The following MYO5A variants were observed in gnomAD, a reference collection of about 807,000 sequenced individuals.
MYO5A encodes unconventional myosin-Va.
Under a neutral mutation model 249.7 loss-of-function variants are expected in MYO5A, and 98 were observed. That is an observed-to-expected ratio of 0.39 (90% CI 0.33 to 0.46). The LOEUF (loss-of-function observed/expected upper bound fraction) is 0.46. Ranked by LOEUF, MYO5A falls within the 20% of genes least tolerant of loss-of-function variation. The probability of loss-of-function intolerance (pLI) is 0.98; values close to 1 mark genes in which losing one functional copy is unlikely to be tolerated. For synonymous variants in MYO5A, 778 were observed against 810.6 expected, an observed-to-expected ratio of 0.96 and a Z score of 0.68; for missense variants, 1,696 against 2,308.8, an observed-to-expected ratio of 0.73 and a Z score of 5.44.
intron 5 of MYO5A, among the ~76,000 whole-genome samples, chr15:52,411,604 G>A (rs1035161077): frequency 1.3e-4 from 19 of 151,304 alleles, no homozygotes; most frequent in African/African-American, 3.6e-4. Flanking sequence ...TGTTTAATAA[G>A]CAAATTTCAA....
intron 1 of MYO5A, among the ~76,000 whole-genome samples, chr15:52,528,470 C>T (rs2077765052): frequency 6.6e-6 from 1 of 152,230 alleles, no homozygotes; most frequent in East Asian, 1.9e-4. Flanking sequence ...GGAGGCACGC[C>T]CGCCCTGCTA....
intron 23 of MYO5A, among the ~76,000 whole-genome samples, chr15:52,365,808 T>G (rs1249843278): frequency 6.6e-6 from 1 of 152,248 alleles, no homozygotes; most frequent in Non-Finnish European, 1.5e-5. Flanking sequence ...AATTTTCCCT[T>G]GGCAAACTCA....
At chr15:52,515,722 T>G (rs1432732742) in intron 1 of MYO5A, among the ~76,000 whole-genome samples, 2 of 152,126 alleles carry the variant, frequency 1.3e-5, no homozygotes, top group East Asian at 1.9e-4. Context: ...ATAAGGCAGT[T>G]GTCTGTAGGG....
intron 24 of MYO5A, among the ~76,000 whole-genome samples, chr15:52,362,220 C>T (rs188775502): frequency 1.1e-4 from 16 of 152,270 alleles, no homozygotes; most frequent in Admixed American, 2.6e-4. Flanking sequence ...TTATGGGAAG[C>T]GCTGGAGGCA....
intron 1 of MYO5A, among the ~76,000 whole-genome samples, chr15:52,440,160 G>A (rs1045031283): frequency 2.6e-4 from 39 of 152,242 alleles, no homozygotes; most frequent in African/African-American, 9.4e-4. Context: ...ACATGCCAGA[G>A]AGAGGCACCA....
intron 5 of MYO5A, among the ~76,000 whole-genome samples, chr15:52,414,840 T>G (rs2043406710): frequency 6.6e-6 from 1 of 152,214 alleles, no homozygotes; most frequent in African/African-American, 2.4e-5. Flanking sequence ...GTAGCTTACA[T>G]TCTTTCAAAA....
Position 52,313,799 on chromosome 15 carries a change from T to A in MYO5A, c.5540A>T (p.Lys1847Ile). 6.2e-7 allele frequency: 1 copy of A among 1,614,036 alleles called. No individual in the cohort carries two copies. Among genetic ancestry groups the A allele is most frequent in the Non-Finnish European group, 8.5e-7 (1 of 1,179,984 alleles). ...KDSPQLLMDAKHIFPVTFPFN... is the reference protein window; with the variant it reads ...KDSPQLLMDAIHIFPVTFPFN... ...AGGAAAGGTGACAGGAAAGATGTGTTTAGCATCCATGAGCAGCTGGGGAGA... is the reference window on the plus strand; with the variant it reads ...AGGAAAGGTGACAGGAAAGATGTGTATAGCATCCATGAGCAGCTGGGGAGA... The change falls in exon 42 of 42, where the codon AAA becomes ATA. Residue 1847 changes from lysine (K) to isoleucine (I), a missense_variant. Lys to Ile is a moderately radical substitution (Grantham distance 102). Transcript: ENST00000399233.
In MYO5A at chr15:52,317,038, G is replaced by C. The variant is rs2140915483; in HGVS notation, c.5409+10C>G. On this transcript the variant is annotated intron_variant, in intron 40 of 41. Transcript: ENST00000399233. Reference sequence around the variant, plus strand: ...GTTAAATTATTTTGTAACAGGGAAAGTTGCTCTACCTGGGCAGTAGTTAAA... The same window carrying C: ...GTTAAATTATTTTGTAACAGGGAAACTTGCTCTACCTGGGCAGTAGTTAAA... The C allele has an allele frequency of 6.2e-7, 1 of 1,610,920 alleles. No homozygotes were observed. Among genetic ancestry groups the C allele is most frequent in the Non-Finnish European group, 8.5e-7 (1 of 1,177,100 alleles).
intron 1 of MYO5A, among the ~76,000 whole-genome samples, chr15:52,475,030 G>T (rs1001700727): frequency 6.6e-6 from 1 of 152,072 alleles, no homozygotes; most frequent in Non-Finnish European, 1.5e-5. Context: ...ACTTTTTTTG[G>T]TTGGTAGGCT....
In MYO5A at chr15:52,313,461, C is replaced by T. The variant is rs556656320; in HGVS notation, c.*235G>A. 8 of 525,836 alleles carry T rather than the reference C, an allele frequency of 1.5e-5. No homozygotes were observed. The highest frequency in any genetic ancestry group is 3.1e-5 in the Admixed American group (1 of 32,118). The allele number at this position is 525,836 out of a possible 1,614,324, so 32.6% of individuals were successfully genotyped here. ...CATCATTCTCCTGTATGTAAACTCA[C>T]GGTACCTAGTTGGTTAAGGATGAGT... On this transcript the variant is annotated 3_prime_UTR_variant, in exon 42 of 42. Transcript: ENST00000399233.
At chr15:52,527,028 T>G (rs1243872606) in intron 1 of MYO5A, among the ~76,000 whole-genome samples, 2 of 151,658 alleles carry the variant, frequency 1.3e-5, no homozygotes, top group Non-Finnish European at 2.9e-5. Context: ...AAAAAAAAAT[T>G]GCAAAAAAAA....
chr15:52,479,027 G>T (rs917124887), intron 1 of MYO5A, among the ~76,000 whole-genome samples: 1 of 151,418 alleles, frequency 6.6e-6, no homozygotes, highest in Non-Finnish European at 1.5e-5. Flanking sequence ...ATGGAGTCTC[G>T]CTCTGTCACC....
At chr15:52,325,233 C>G (rs976892381) in intron 36 of MYO5A, among the ~76,000 whole-genome samples, 1 of 152,064 alleles carries the variant, frequency 6.6e-6, no homozygotes, top group Non-Finnish European at 1.5e-5. Context: ...TCTTCACTGA[C>G]GTCTACACAA....
chr15:52,495,885 T>C (rs1264892548), intron 1 of MYO5A, among the ~76,000 whole-genome samples: 2 of 152,122 alleles, frequency 1.3e-5, no homozygotes, highest in East Asian at 3.9e-4. Flanking sequence ...AGTTAGAAAA[T>C]TCATGTTGTC....
chr15:52,380,715 C>A (rs1358992465), intron 16 of MYO5A, among the ~76,000 whole-genome samples: 3 of 152,148 alleles, frequency 2.0e-5, no homozygotes, highest in African/African-American at 7.2e-5. Flanking sequence ...TGCAGTGAGC[C>A]GAGACCACGC....
chr15:52,507,074 A>G (rs748337060), intron 1 of MYO5A, among the ~76,000 whole-genome samples: 2 of 152,196 alleles, frequency 1.3e-5, no homozygotes, highest in Non-Finnish European at 2.9e-5. Context: ...ATTTCTGGTT[A>G]TATCACATTA....
At chr15:52,446,122 A>T (rs962142482) in intron 1 of MYO5A, among the ~76,000 whole-genome samples, 3 of 152,240 alleles carry the variant, frequency 2.0e-5, no homozygotes, top group Admixed American at 6.5e-5. Flanking sequence ...AAAGGCCTGG[A>T]AGGCATTTCG....
chr15:52,392,382 G>C (rs891307352), intron 11 of MYO5A, among the ~76,000 whole-genome samples: 1 of 152,152 alleles, frequency 6.6e-6, no homozygotes. Flanking sequence ...TTAAGTTATC[G>C]TAGAGTGCTG....
intron 9 of MYO5A, among the ~76,000 whole-genome samples, chr15:52,400,161 T>A (rs547405931): frequency 1.3e-5 from 2 of 152,318 alleles, no homozygotes; most frequent in East Asian, 3.9e-4. Context: ...TCTTGCTATA[T>A]TTTGATTTTT....
Sources: gnomAD v4.1 joint callset for allele counts (sites outside exome capture counted in the v4.1 genomes callset) on GRCh38, gnomAD v4.1.1 for gene constraint, MANE v1.5 for transcripts, NCBI Gene and HGNC (gene_info 2026-07-23, HGNC 2026-07-21) for gene names.